NEDD4L: variants seen among roughly 807,000 people sequenced by gnomAD.
NEDD4L encodes NEDD4 like E3 ubiquitin protein ligase, also known as E3 ubiquitin-protein ligase NEDD4-like.
NEDD4L carries 54 observed loss-of-function variants against 148.9 expected under a neutral mutation model. The observed-to-expected ratio is 0.36, with a 90% confidence interval of 0.29 to 0.45. The LOEUF (loss-of-function observed/expected upper bound fraction) is 0.45. Among genes scored for constraint, NEDD4L ranks in the 20% least tolerant of loss-of-function variants. The pLI is 1.00. For synonymous variants in NEDD4L, 433 were observed against 440.7 expected, an observed-to-expected ratio of 0.98 and a Z score of 0.22; for missense variants, 856 against 1,233.8, an observed-to-expected ratio of 0.69 and a Z score of 4.59.
chr18:58,169,684 AC>A (rs1379917332), intron 2 of NEDD4L, among the ~76,000 whole-genome samples: 1 of 152,214 alleles, frequency 6.6e-6, no homozygotes, highest in African/African-American at 2.4e-5. Context: ...GCCACAGCTC[AC>A]CCTTGTGTGC....
intron 1 of NEDD4L, among the ~76,000 whole-genome samples, chr18:58,159,550 A>G (rs1312035107): frequency 6.6e-6 from 1 of 152,176 alleles, no homozygotes; most frequent in East Asian, 1.9e-4. Flanking sequence ...ACTGCTCTAA[A>G]AAGAGTAGTC....
At chr18:58,323,059 C>G (rs1211884941) in intron 7 of NEDD4L, among the ~76,000 whole-genome samples, 173 bp from the exon 8 acceptor site, 6 of 104,084 alleles carry the variant, frequency 5.8e-5, no homozygotes, top group African/African-American at 1.9e-4. Flanking sequence ...GGATGCCTGC[C>G]CTGTGTGCTG....
chr18:58,205,053 A>G (rs1429324568), intron 2 of NEDD4L, among the ~76,000 whole-genome samples: 2 of 152,258 alleles, frequency 1.3e-5, no homozygotes, highest in Non-Finnish European at 1.5e-5. Context: ...AGTTCAACCC[A>G]TCAAATACAT....
At chr18:58,113,523 G>A (rs143770642) in intron 1 of NEDD4L, among the ~76,000 whole-genome samples, 189 of 152,302 alleles carry the variant, frequency 1.2e-3, no homozygotes, top group African/African-American at 4.3e-3. Context: ...AAGGGGAGGA[G>A]CTTGCCTGGG....
intron 23 of NEDD4L, among the ~76,000 whole-genome samples, chr18:58,370,681 T>C (rs1448280298): frequency 1.3e-5 from 2 of 152,250 alleles, no homozygotes; most frequent in East Asian, 3.8e-4. Context: ...CTAGGGTGGA[T>C]ACATCCAAAT....
At chr18:58,084,263 C>A (rs2083626993) in intron 1 of NEDD4L, among the ~76,000 whole-genome samples, 1 of 151,976 alleles carries the variant, frequency 6.6e-6, no homozygotes, top group Non-Finnish European at 1.5e-5. Flanking sequence ...AGGAAGGAAA[C>A]AAGGACTAAC....
intron 6 of NEDD4L, among the ~76,000 whole-genome samples, chr18:58,318,801 T>C (rs2149443923): frequency 6.6e-6 from 1 of 152,200 alleles, no homozygotes; most frequent in East Asian, 1.9e-4. Context: ...GTCAGCTCTG[T>C]CTCCCCTTCC....
intron 21 of NEDD4L, 117 bp from the exon 22 acceptor site, chr18:58,367,629 C>A (rs531178432): frequency 4.6e-6 from 5 of 1,094,556 alleles, no homozygotes; most frequent in Non-Finnish European, 6.7e-6. Flanking sequence ...CATTTTCCCA[C>A]TAGGTACAGA....
At chr18:58,135,133 T>C (rs1277805468) in intron 1 of NEDD4L, among the ~76,000 whole-genome samples, 2 of 152,184 alleles carry the variant, frequency 1.3e-5, no homozygotes, top group African/African-American at 4.8e-5. Context: ...GCCGCCTTAT[T>C]TGGCTGATAC....
chr18:58,349,302 T>A (rs1397906574), intron 16 of NEDD4L, among the ~76,000 whole-genome samples: 1 of 152,080 alleles, frequency 6.6e-6, no homozygotes, highest in Non-Finnish European at 1.5e-5. Context: ...GGTTAACCTT[T>A]CATGTAAATA....
intron 5 of NEDD4L, among the ~76,000 whole-genome samples, chr18:58,307,018 T>TC (rs1369300482): frequency 1.3e-5 from 2 of 152,198 alleles, no homozygotes; most frequent in African/African-American, 4.8e-5. Context: ...ATCCTGAGTT[T>TC]CTCCCCAGAG....
chr18:58,072,939 G>A (rs996821117), intron 1 of NEDD4L, among the ~76,000 whole-genome samples: 13 of 151,220 alleles, frequency 8.6e-5, no homozygotes, highest in Non-Finnish European at 1.2e-4. Context: ...TTACAAGCTT[G>A]TACATACAAG....
At chr18:58,386,650 G>A (rs938506071) in intron 26 of NEDD4L, among the ~76,000 whole-genome samples, 1 of 152,120 alleles carries the variant, frequency 6.6e-6, no homozygotes, top group South Asian at 2.1e-4. Flanking sequence ...TATAGTATTA[G>A]TTACCTCAAA....
chr18:58,327,201 G>A (rs745912890), intron 9 of NEDD4L, among the ~76,000 whole-genome samples: 14 of 152,162 alleles, frequency 9.2e-5, no homozygotes, highest in African/African-American at 3.1e-4. Flanking sequence ...AGGTTCAAGC[G>A]ATTCTCCTGC....
chr18:58,074,927 G>A (rs1381770358), intron 1 of NEDD4L, among the ~76,000 whole-genome samples: 1 of 152,132 alleles, frequency 6.6e-6, no homozygotes, highest in Non-Finnish European at 1.5e-5. Flanking sequence ...ATACAAAAGA[G>A]GCATTGATAA....
rs549487190 is a variant in NEDD4L at position 58,242,364 on chromosome 18, A to C, written c.123-3063A>C. On this transcript the variant is annotated intron_variant, in intron 2 of 30. Coordinates refer to ENST00000400345, the MANE Select transcript of NEDD4L (RefSeq NM_001144967.3). ...CTCTGGTCTTTGCAAAAACTGCCTG[A>C]GTTAGGAATTGTCATTCCCATTTCA... is the stretch of plus-strand genomic sequence containing the variant. Among the ~76,000 whole-genome samples, 380 of 152,344 alleles carry C rather than the reference A, an allele frequency of 2.5e-3. 2 individuals carry two copies. Among genetic ancestry groups the C allele is most frequent in the African/African-American group, 8.8e-3 (364 of 41,578 alleles).
At chr18:58,156,217 G>A (rs939368831) in intron 1 of NEDD4L, among the ~76,000 whole-genome samples, 6 of 152,160 alleles carry the variant, frequency 3.9e-5, no homozygotes, top group Non-Finnish European at 1.5e-5. Context: ...TTCCTAAAAG[G>A]AATTGTAAAC....
chr18:58,296,059 C>T (rs148603153), intron 5 of NEDD4L, among the ~76,000 whole-genome samples: 4 of 152,142 alleles, frequency 2.6e-5, no homozygotes, highest in Non-Finnish European at 4.4e-5. Flanking sequence ...GCCCCCAGAC[C>T]GGAGTCATAC....
intron 1 of NEDD4L, among the ~76,000 whole-genome samples, chr18:58,110,728 C>T (rs565460033): frequency 7.2e-5 from 11 of 152,204 alleles, no homozygotes; most frequent in Non-Finnish European, 1.6e-4. Flanking sequence ...CTTCCTGACT[C>T]AAGTTTTTGT....
Sources: allele counts gnomAD v4.1 joint callset (sites outside exome capture counted in the v4.1 genomes callset), GRCh38; gene constraint gnomAD v4.1.1; transcripts MANE v1.5; gene names NCBI Gene and HGNC (gene_info 2026-07-23, HGNC 2026-07-21).